TRPM3: variants seen among roughly 807,000 people sequenced by gnomAD.
TRPM3 encodes long transient receptor potential channel 3.
In TRPM3, 77 loss-of-function variants were observed where a neutral mutation model predicts 181.2. The ratio of observed to expected loss-of-function variants is 0.42; its 90% CI spans 0.35 to 0.51. The LOEUF is 0.51. Among genes scored for constraint, TRPM3 ranks in the 20% least tolerant of loss-of-function variants. The pLI is 0.01. For synonymous variants in TRPM3, 745 were observed against 796.4 expected (o/e 0.94, Z 1.09); for missense variants, 1,759 against 2,196.7 (o/e 0.80, Z 3.98).
At chr9:70,890,209 AAG>A (rs1487629560) in intron 1 of TRPM3, among the ~76,000 whole-genome samples, 1 of 151,352 alleles carries the variant, frequency 6.6e-6, no homozygotes, top group African/African-American at 2.4e-5. Context: ...TTAAAACAAG[AAG>A]AGAGTGTTAG....
At chr9:70,834,809 C>A (rs1264942364) in intron 5 of TRPM3, among the ~76,000 whole-genome samples, 2 of 152,200 alleles carry the variant, frequency 1.3e-5, no homozygotes, top group African/African-American at 4.8e-5. Context: ...CAGGCCAGAA[C>A]CACTCAGACA....
intron 1 of TRPM3, among the ~76,000 whole-genome samples, chr9:71,290,409 C>G (rs569306993): frequency 6.6e-6 from 1 of 152,030 alleles, no homozygotes; most frequent in East Asian, 1.9e-4. Context: ...TACTTGAAAC[C>G]AGTATTTGGA....
intron 1 of TRPM3, among the ~76,000 whole-genome samples, chr9:71,224,200 A>G (rs939003726): frequency 6.6e-6 from 1 of 152,230 alleles, no homozygotes; most frequent in Non-Finnish European, 1.5e-5. Context: ...ACATAGTGAG[A>G]AATTCCATTT....
At chr9:70,882,869 A>G (rs1415198169) in intron 1 of TRPM3, among the ~76,000 whole-genome samples, 4 of 152,190 alleles carry the variant, frequency 2.6e-5, no homozygotes, top group Admixed American at 6.5e-5. Flanking sequence ...ACTATTCTCA[A>G]TGACTTCATA....
At chr9:70,813,229 A>AT (rs1393159837) in intron 6 of TRPM3, among the ~76,000 whole-genome samples, 1 of 152,218 alleles carries the variant, frequency 6.6e-6, no homozygotes, top group Non-Finnish European at 1.5e-5. Context: ...GCTTTGTACT[A>AT]TTCACAATAG....
intron 1 of TRPM3, among the ~76,000 whole-genome samples, chr9:71,008,806 C>A (rs540847195): frequency 1.1e-4 from 16 of 152,220 alleles, no homozygotes; most frequent in Non-Finnish European, 1.9e-4. Context: ...GATCACGCCA[C>A]TGAACTCCCG....
rs957254136 is a variant in TRPM3 at position 70,533,994 on chromosome 9, A to G, written c.*1959T>C. ...TTTTCAATTATAATTAAACAAAAGA[A>G]CCAGGTAGTATCTCAGGCCAGGAAC... On this transcript the variant is annotated 3_prime_UTR_variant, in exon 26 of 26. Transcript: ENST00000677713. The G allele has an allele frequency of 4.6e-5, 7 of 152,224 alleles. No homozygotes were observed. Among genetic ancestry groups the G allele is most frequent in the Non-Finnish European group, 5.9e-5 (4 of 68,042 alleles). 9.4% of individuals were successfully genotyped at this position (152,224 alleles called of 1,614,324 possible).
intron 1 of TRPM3, among the ~76,000 whole-genome samples, chr9:71,428,375 C>T (rs757878148): frequency 6.6e-6 from 1 of 151,602 alleles, no homozygotes; most frequent in East Asian, 1.9e-4. Flanking sequence ...GGATTACAGG[C>T]GTGAGCCACC....
At chr9:70,929,154 C>A (rs1281361128) in intron 1 of TRPM3, among the ~76,000 whole-genome samples, 3 of 151,762 alleles carry the variant, frequency 2.0e-5, no homozygotes, top group African/African-American at 7.3e-5. Context: ...TTACAATAGA[C>A]CTTAAACATT....
At chr9:71,445,497 T>A (rs1487570431) in intron 1 of TRPM3, among the ~76,000 whole-genome samples, 1 of 152,210 alleles carries the variant, frequency 6.6e-6, no homozygotes, top group Non-Finnish European at 1.5e-5. Context: ...CATTAAGTAT[T>A]TGAGAAAAAT....
At chr9:71,002,535 T>C (rs923636900) in intron 1 of TRPM3, among the ~76,000 whole-genome samples, 13 of 152,228 alleles carry the variant, frequency 8.5e-5, no homozygotes, top group African/African-American at 3.1e-4. Flanking sequence ...TTGATCATTT[T>C]TATCCTTTGA....
intron 1 of TRPM3, among the ~76,000 whole-genome samples, chr9:71,269,491 G>T (rs911956053): frequency 1.2e-4 from 18 of 152,328 alleles, no homozygotes; most frequent in African/African-American, 4.3e-4. Context: ...CATTTTAAAT[G>T]AAAGTCTGCA....
At chr9:70,969,047 A>G (rs560019761) in intron 1 of TRPM3, among the ~76,000 whole-genome samples, 4 of 152,332 alleles carry the variant, frequency 2.6e-5, no homozygotes, top group East Asian at 1.9e-4. Context: ...CTGCACAGCA[A>G]AAGAAACTAT....
intron 1 of TRPM3, among the ~76,000 whole-genome samples, chr9:71,274,877 C>G (rs1308852373): frequency 6.6e-6 from 1 of 152,178 alleles, no homozygotes; most frequent in Non-Finnish European, 1.5e-5. Flanking sequence ...TAACTAATTT[C>G]TTAGGGACTT....
chr9:70,591,519 T>C (rs1364352684), intron 21 of TRPM3, among the ~76,000 whole-genome samples: 1 of 152,172 alleles, frequency 6.6e-6, no homozygotes, highest in Non-Finnish European at 1.5e-5. Context: ...GTCATATAAA[T>C]GGAAGCTTAG....
chr9:71,048,510 T>C (rs1282389494), intron 1 of TRPM3, among the ~76,000 whole-genome samples: 3 of 152,222 alleles, frequency 2.0e-5, no homozygotes, highest in African/African-American at 4.8e-5. Flanking sequence ...CTGGGTGGTA[T>C]GCGCTTTCAG....
In TRPM3 at chr9:70,617,965, A is replaced by AAAAAC. The variant is rs533777970; in HGVS notation, c.2358+897_2358+901dup. ...GGGTGACAGAGCAAGACCTTGTCTC[A>AAAAAC]AAAACAAAACAAAACAAAACAAAAA... On this transcript the variant is annotated intron_variant, in intron 17 of 25. Transcript: ENST00000677713. 9.9e-5 allele frequency among the ~76,000 whole-genome samples: 15 copies of AAAAAC among 152,280 alleles called. No homozygotes were observed. In the South Asian group the frequency reaches 1.7e-3, roughly 17 times the overall value.
chr9:70,589,477 G>A (rs1280834346), intron 22 of TRPM3, among the ~76,000 whole-genome samples: 1 of 152,196 alleles, frequency 6.6e-6, no homozygotes, highest in African/African-American at 2.4e-5. Context: ...ATGTAACTAA[G>A]TGGAAAAACA....
At chr9:70,640,975 A>G (rs558596526) in intron 9 of TRPM3, among the ~76,000 whole-genome samples, 1 of 152,252 alleles carries the variant, frequency 6.6e-6, no homozygotes, top group African/African-American at 2.4e-5. Context: ...TGATATTTTG[A>G]TGCATGCATA....
Sources: gnomAD v4.1 joint callset for allele counts (sites outside exome capture counted in the v4.1 genomes callset) on GRCh38, gnomAD v4.1.1 for gene constraint, MANE v1.5 for transcripts, NCBI Gene and HGNC (gene_info 2026-07-23, HGNC 2026-07-21) for gene names.